The following DNAH14 variants were observed in gnomAD, a reference collection of about 807,000 sequenced individuals.
DNAH14 encodes dynein axonemal heavy chain 14, also known as axonemal beta dynein heavy chain 14.
A neutral mutation model predicts 520.9 loss-of-function variants in DNAH14; 478 were observed. The ratio of observed to expected loss-of-function variants is 0.92; its 90% CI spans 0.85 to 0.99. DNAH14 has a LOEUF of 0.99. DNAH14 is among the 50% of genes least tolerant of loss of function. The pLI is 0.00. For missense variants in DNAH14, 4,831 were observed against 5,234.5 expected (o/e 0.92, Z 2.38); for synonymous variants, 1,581 against 1,757.2 (o/e 0.90, Z 2.51).
chr1:225,356,937 T>C (rs2095435751), intron 73 of DNAH14, among the ~76,000 whole-genome samples: 1 of 152,146 alleles, frequency 6.6e-6, no homozygotes, highest in Non-Finnish European at 1.5e-5. Context: ...AAACCAGAAG[T>C]TGGAAGACAT....
At chr1:224,993,934 G>T (rs1229464009) in intron 8 of DNAH14, among the ~76,000 whole-genome samples, 1 of 151,716 alleles carries the variant, frequency 6.6e-6, no homozygotes, top group Non-Finnish European at 1.5e-5. Flanking sequence ...TTTCTTCATT[G>T]GCTTTTTCGT....
intron 1 of DNAH14, 66 bp downstream of exon 1, chr1:224,929,901 C>A: frequency 1.7e-6 from 1 of 604,376 alleles, no homozygotes. Flanking sequence ...GCGCGTGGGG[C>A]AGCCGGTGTC....
chr1:225,398,021 T>G (rs1241331731), intron 84 of DNAH14: 1 of 117,866 alleles, frequency 8.5e-6, no homozygotes, highest in Non-Finnish European at 1.6e-5. Context: ...CACTCCAGCC[T>G]AGGCAACAGA....
Position 225,324,410 on chromosome 1 carries a change from A to G in DNAH14, c.9627+57A>G, listed in dbSNP as rs1015178975. On this transcript the variant is annotated intron_variant, in intron 63 of 85. Transcript: ENST00000682510. Reference sequence around the variant, plus strand: ...TTTGGAAGTGGCACATCAATGTCCCAGAAATAATTTTTATTTACCAATACT... The same window carrying G: ...TTTGGAAGTGGCACATCAATGTCCCGGAAATAATTTTTATTTACCAATACT... 5.9e-6 allele frequency: 9 copies of G among 1,526,050 alleles called. No individual in the cohort carries two copies. In the Admixed American group the frequency reaches 1.1e-4, roughly 18 times the overall value. 94.5% of individuals were successfully genotyped at this position (1,526,050 alleles called of 1,614,324 possible). A position where few individuals can be genotyped will look rare whatever the true frequency, so the allele number is the denominator to read the frequency against.
chr1:225,282,499 T>C (rs917982109), intron 54 of DNAH14, among the ~76,000 whole-genome samples: 2 of 152,328 alleles, frequency 1.3e-5, no homozygotes, highest in Non-Finnish European at 1.5e-5. Flanking sequence ...GAGGCAAGTA[T>C]TCAATGTTAA....
intron 73 of DNAH14, among the ~76,000 whole-genome samples, chr1:225,358,228 TACAA>T (rs1378340420): frequency 1.3e-5 from 2 of 152,158 alleles, no homozygotes; most frequent in Non-Finnish European, 2.9e-5. Flanking sequence ...CTTGGATCTT[TACAA>T]ACAAAGCAAG....
intron 58 of DNAH14, among the ~76,000 whole-genome samples, chr1:225,306,036 C>G (rs187129736): frequency 3.5e-4 from 54 of 152,280 alleles, no homozygotes; most frequent in African/African-American, 1.3e-3. Flanking sequence ...GCCATTGCAC[C>G]TTCTCTGTCT....
rs552061686 is a variant in DNAH14, at chr1:224,961,862, T to C, written c.367+1560T>C. 6.6e-5 allele frequency among the ~76,000 whole-genome samples: 10 copies of C among 152,252 alleles called. No homozygotes were observed. In the South Asian group the frequency reaches 1.9e-3, roughly 28 times the overall value. On this transcript the variant is annotated intron_variant, in intron 4 of 85. Transcript: ENST00000682510. ...TCAGTGTTTTGAAATTGGTATCTAG[T>C]GTAAGAAAGGCCAAAAATTTAGGCT...
At chr1:225,317,642 A>G (rs1217963184) in intron 60 of DNAH14, among the ~76,000 whole-genome samples, 1 of 152,206 alleles carries the variant, frequency 6.6e-6, no homozygotes, top group African/African-American at 2.4e-5. Context: ...AAAGTATAGC[A>G]GGTTTAGAAT....
rs60498914 is a variant in DNAH14 at position 225,335,172 on chromosome 1, T to TGC, written c.10080+1666_10080+1667insGC. On this transcript the variant is annotated intron_variant, in intron 66 of 85. Coordinates refer to ENST00000682510, the MANE Select transcript of DNAH14 (RefSeq NM_001367479.1). ...GTACATGTGTGCATGTGTGCATGTGTACATGTGCGCATGTGTGTATATATG... is the reference window on the plus strand; with the variant it reads ...GTACATGTGTGCATGTGTGCATGTGTGCACATGTGCGCATGTGTGTATATATG... Among the ~76,000 whole-genome samples the TGC allele has an allele frequency of 9.9e-4, 146 of 147,820 alleles. 4 individuals are homozygous for TGC. Among genetic ancestry groups the TGC allele is most frequent in the South Asian group, 1.7e-3 (8 of 4,720 alleles).
intron 60 of DNAH14, among the ~76,000 whole-genome samples, chr1:225,316,247 G>A (rs912769299): frequency 6.6e-6 from 1 of 152,170 alleles, no homozygotes; most frequent in Non-Finnish European, 1.5e-5. Context: ...TGCTGTGCTG[G>A]CAGTGAGAAT....
chr1:225,118,668 A>T (rs1374437326), intron 25 of DNAH14, among the ~76,000 whole-genome samples: 1 of 152,142 alleles, frequency 6.6e-6, no homozygotes, highest in Non-Finnish European at 1.5e-5. Flanking sequence ...GAATTACCCA[A>T]GGTCAGGAGT....
At chr1:225,261,348 A>G (rs12564045) in intron 46 of DNAH14, among the ~76,000 whole-genome samples, 16,861 of 152,144 alleles carry the variant, frequency 0.11, 1,435 homozygotes, top group East Asian at 0.23. Context: ...TTTTATGAAA[A>G]GGTATTCAAT....
Position 224,952,662 on chromosome 1 carries a change from TGTTACA to T in DNAH14, c.-33-6_-33-1del. On this transcript the variant is annotated splice_acceptor_variant and splice_polypyrimidine_tract_variant and intron_variant, in intron 1 of 85. Transcript: ENST00000682510. LOFTEE classifies it low-confidence loss of function (5UTR_SPLICE). Reference sequence around the variant, plus strand: ...ATATTAAATATAATAATGTGAATTTTGTTACAGCCAGTTCCTTTATAGTTTTGTTCA... The same window carrying T: ...ATATTAAATATAATAATGTGAATTTTGCCAGTTCCTTTATAGTTTTGTTCA... 1 of 1,422,830 alleles carries T rather than the reference TGTTACA, an allele frequency of 7.0e-7. No homozygotes were observed. The highest frequency in any genetic ancestry group is 1.8e-4 in the Middle Eastern group (1 of 5,460). 88.1% of individuals were successfully genotyped at this position (1,422,830 alleles called of 1,614,324 possible).
intron 10 of DNAH14, among the ~76,000 whole-genome samples, chr1:225,008,238 T>C (rs368529639): frequency 1.6e-4 from 25 of 152,294 alleles, no homozygotes; most frequent in African/African-American, 5.5e-4. Flanking sequence ...TCGGCATCCC[T>C]GCAAAGGACA....
At chr1:225,350,721 C>T (rs1454959843) in intron 71 of DNAH14, among the ~76,000 whole-genome samples, 1 of 150,656 alleles carries the variant, frequency 6.6e-6, no homozygotes, top group Non-Finnish European at 1.5e-5. Flanking sequence ...CTGAACACAC[C>T]AATAACAAGG....
chr1:225,064,711 G>C (rs1232748278), intron 17 of DNAH14, among the ~76,000 whole-genome samples: 4 of 151,962 alleles, frequency 2.6e-5, no homozygotes, highest in Non-Finnish European at 4.4e-5. Flanking sequence ...AACTTGACAA[G>C]ACAAATTTAA....
intron 9 of DNAH14, among the ~76,000 whole-genome samples, chr1:225,006,176 C>T (rs903351441): frequency 6.6e-6 from 1 of 152,136 alleles, no homozygotes; most frequent in Admixed American, 6.6e-5. Flanking sequence ...ATTTCCTATG[C>T]CTGTCTTTAC....
rs1323566919 is a variant in DNAH14 at position 224,977,032 on chromosome 1, T to G, written c.830+2879T>G. On this transcript the variant is annotated intron_variant, in intron 8 of 85. Coordinates refer to ENST00000682510, the MANE Select transcript of DNAH14 (RefSeq NM_001367479.1). ...TAAATCATGCTGCTATAAAGACACATGCACACGTATGTTTATTGCAGCACT... is the reference window on the plus strand; with the variant it reads ...TAAATCATGCTGCTATAAAGACACAGGCACACGTATGTTTATTGCAGCACT... 2.0e-5 allele frequency among the ~76,000 whole-genome samples: 3 copies of G among 151,340 alleles called. No individual in the cohort carries two copies. In the South Asian group the frequency reaches 6.3e-4, roughly 32 times the overall value.
Sources: gnomAD v4.1 joint callset for allele counts (sites outside exome capture counted in the v4.1 genomes callset) on GRCh38, gnomAD v4.1.1 for gene constraint, MANE v1.5 for transcripts, NCBI Gene and HGNC (gene_info 2026-07-23, HGNC 2026-07-21) for gene names.